Variants in KLF12 observed in about 807,000 individuals in gnomAD.
The protein encoded by KLF12 is KLF transcription factor 12.
KLF12 carries 9 observed loss-of-function variants against 37.8 expected under a neutral mutation model. The observed-to-expected ratio is 0.24, with a 90% CI of 0.14 to 0.42. The LOEUF is 0.42. Among genes scored for constraint, KLF12 ranks in the 10% least tolerant of loss-of-function variants. The pLI is 1.00. For missense variants in KLF12, 411 were observed against 516.0 expected (o/e 0.80, Z 1.97); for synonymous variants, 208 against 202.1 (o/e 1.03, Z -0.25).
intron 1 of KLF12, among the ~76,000 whole-genome samples, chr13:74,111,839 TG>T (rs1365389849): frequency 4.6e-5 from 7 of 152,212 alleles, no homozygotes; most frequent in African/African-American, 1.4e-4. Context: ...GTGAAAGATA[TG>T]TTTTTAAAAG....
intron 6 of KLF12, among the ~76,000 whole-genome samples, chr13:73,742,561 C>T (rs1393031834): frequency 6.6e-6 from 1 of 152,096 alleles, no homozygotes; most frequent in Non-Finnish European, 1.5e-5. Context: ...CATTATCATT[C>T]CCATTTTACA....
At chr13:74,054,980 A>T (rs1593861760) in intron 1 of KLF12, among the ~76,000 whole-genome samples, 1 of 152,342 alleles carries the variant, frequency 6.6e-6, no homozygotes. Flanking sequence ...ACAGCATCAC[A>T]CACATCAGAA....
At chr13:74,105,836 G>T (rs1254273861) in intron 1 of KLF12, among the ~76,000 whole-genome samples, 1 of 152,216 alleles carries the variant, frequency 6.6e-6, no homozygotes, top group Non-Finnish European at 1.5e-5. Context: ...AGAAGAAAAT[G>T]GCTTTTGTAA....
At chr13:73,764,709 C>T (rs1023561945) in intron 6 of KLF12, among the ~76,000 whole-genome samples, 12 of 148,050 alleles carry the variant, frequency 8.1e-5, no homozygotes, top group African/African-American at 3.0e-4. Flanking sequence ...TCATATCTGT[C>T]AAAAAAAAAA....
chr13:74,238,714 T>C, the KLF12 span, among the ~76,000 whole-genome samples: 2 of 151,086 alleles, frequency 1.3e-5, no homozygotes, highest in African/African-American at 2.5e-5. Context: ...CTAGATTTTC[T>C]AGTTTATTTG....
chr13:74,137,275 A>G (rs1376992638), upstream of KLF12, among the ~76,000 whole-genome samples: 1 of 152,230 alleles, frequency 6.6e-6, no homozygotes, highest in Non-Finnish European at 1.5e-5. Context: ...AGGACCATGT[A>G]AAAGAATGTG....
chr13:74,013,343 A>T (rs1454116882), intron 1 of KLF12, among the ~76,000 whole-genome samples: 2 of 152,220 alleles, frequency 1.3e-5, no homozygotes, highest in African/African-American at 4.8e-5. Flanking sequence ...GTTGAGACCG[A>T]GGTGGCTAGC....
chr13:73,975,054 G>A lies in KLF12; in HGVS notation c.33+19936C>T, dbSNP rs1257054716. Among the ~76,000 whole-genome samples, 6 of 152,186 alleles carry A rather than the reference G, an allele frequency of 3.9e-5. No individual in the cohort carries two copies. In the South Asian group the frequency reaches 6.2e-4, roughly 16 times the overall value. The stretch of plus-strand genomic sequence containing the variant: ...TTTTATTGTAGCTTTATCACTGTAC[G>A]TTCCTATTTTTAAAAACTATTATTC... On this transcript the variant is annotated intron_variant, in intron 2 of 7. Coordinates refer to ENST00000377669, the MANE Select transcript of KLF12 (RefSeq NM_007249.5).
chr13:74,138,159 C>T (rs1286491370), upstream of KLF12, among the ~76,000 whole-genome samples: 1 of 152,166 alleles, frequency 6.6e-6, no homozygotes, highest in Non-Finnish European at 1.5e-5. Flanking sequence ...GATTGTAAGG[C>T]TTTGGATTAG....
chr13:74,139,172 T>C, the KLF12 span, among the ~76,000 whole-genome samples: 1 of 152,228 alleles, frequency 6.6e-6, no homozygotes, highest in Admixed American at 6.5e-5. Flanking sequence ...CAATGGGAGA[T>C]ATACTGGCCC....
At chr13:74,225,204 T>C in the KLF12 span, among the ~76,000 whole-genome samples, 1 of 152,128 alleles carries the variant, frequency 6.6e-6, no homozygotes, top group Admixed American at 6.6e-5. Flanking sequence ...TATGTAGCCT[T>C]CTCTCCCTAC....
chr13:73,877,710 C>T (rs893678835), intron 3 of KLF12, among the ~76,000 whole-genome samples: 1 of 152,142 alleles, frequency 6.6e-6, no homozygotes, highest in Non-Finnish European at 1.5e-5. Flanking sequence ...AATAAGTGAT[C>T]AAATGATTGT....
At chr13:74,176,509 G>A in the KLF12 span, among the ~76,000 whole-genome samples, 3 of 152,162 alleles carry the variant, frequency 2.0e-5, no homozygotes, top group African/African-American at 2.4e-5. Context: ...ACCCATGATC[G>A]TTCAGTGGGT....
At chr13:73,801,536 C>T (rs1465462833) in intron 5 of KLF12, 41 of 152,050 alleles carry the variant, frequency 2.7e-4, no homozygotes, top group Admixed American at 2.7e-3. Context: ...ACTACCTACA[C>T]TCACTAGTTA....
chr13:74,295,581 C>T, the KLF12 span, among the ~76,000 whole-genome samples: 2 of 152,094 alleles, frequency 1.3e-5, no homozygotes, highest in Non-Finnish European at 2.9e-5. Context: ...GGCAGTTGCC[C>T]CAACGTGATT....
At chr13:74,217,089 A>C in the KLF12 span, among the ~76,000 whole-genome samples, 1 of 152,200 alleles carries the variant, frequency 6.6e-6, no homozygotes, top group Non-Finnish European at 1.5e-5. Flanking sequence ...TTTCTAAAAG[A>C]AAAACTCAAA....
intron 4 of KLF12, among the ~76,000 whole-genome samples, chr13:73,827,364 A>T (rs1426759543): frequency 6.6e-6 from 1 of 152,206 alleles, no homozygotes; most frequent in Non-Finnish European, 1.5e-5. Flanking sequence ...TTACACTCAC[A>T]TTAGTATGTG....
chr13:74,076,012 C>T (rs754203537), intron 1 of KLF12, among the ~76,000 whole-genome samples: 3 of 152,032 alleles, frequency 2.0e-5, no homozygotes, highest in Non-Finnish European at 4.4e-5. Flanking sequence ...GAAAACAAGC[C>T]GGATATCCCT....
At chr13:74,302,760 C>T in the KLF12 span, among the ~76,000 whole-genome samples, 1 of 152,070 alleles carries the variant, frequency 6.6e-6, no homozygotes. Flanking sequence ...TTGGAGAAAG[C>T]AGGGAGCCCT....
Sources: gnomAD v4.1 joint callset for allele counts (sites outside exome capture counted in the v4.1 genomes callset) on GRCh38, gnomAD v4.1.1 for gene constraint, MANE v1.5 for transcripts, NCBI Gene and HGNC (gene_info 2026-07-23, HGNC 2026-07-21) for gene names.